PDE4B: variants seen among roughly 807,000 people sequenced by gnomAD.
The protein encoded by PDE4B is 3',5'-cyclic-AMP phosphodiesterase 4B.
Under a neutral mutation model 82.2 loss-of-function variants are expected in PDE4B, and 20 were observed. That is an observed-to-expected ratio of 0.24 (90% CI 0.17 to 0.35). PDE4B has a LOEUF of 0.35. Ranked by LOEUF, PDE4B falls within the 10% of genes least tolerant of loss-of-function variation. The probability of loss-of-function intolerance (pLI) is 1.00; values close to 1 mark genes in which losing one functional copy is unlikely to be tolerated. For synonymous variants in PDE4B, 320 were observed against 318.9 expected (o/e 1.00, Z -0.04); for missense variants, 655 against 907.2 (o/e 0.72, Z 3.57).
chr1:66,185,723 C>T (rs11810374), intron 3 of PDE4B, among the ~76,000 whole-genome samples: 115,677 of 152,032 alleles, frequency 0.76, 44,402 homozygotes, highest in Admixed American at 0.82. Context: ...TCATTGTAGA[C>T]TCTGGATATT....
intron 1 of PDE4B, among the ~76,000 whole-genome samples, chr1:65,846,380 T>C (rs867434017): frequency 1.3e-5 from 2 of 152,118 alleles, no homozygotes; most frequent in Non-Finnish European, 2.9e-5. Context: ...TAGGGCAAGG[T>C]TGTGGAATTC....
At chr1:65,825,704 A>AT (rs200279568) in intron 1 of PDE4B, among the ~76,000 whole-genome samples, 12,758 of 54,566 alleles carry the variant, frequency 0.23, 621 homozygotes, top group Non-Finnish European at 0.31. Context: ...AAACAAAATT[A>AT]CCTATCTATC....
At chr1:66,131,590 CAGATATATATATAT>C (rs1163979833) in intron 3 of PDE4B, among the ~76,000 whole-genome samples, 1 of 15,952 alleles carries the variant, frequency 6.3e-5, no homozygotes, top group African/African-American at 1.4e-4. Flanking sequence ...TTCTGAATGC[CAGATATATATATAT>C]ATATATATAT....
Position 65,997,541 on chromosome 1 carries a change from T to C in PDE4B, c.281+78706T>C, listed in dbSNP as rs191023701. ...AACTGCCGACATGCTTGCTGTATTATACAACTTAGTCCTAGTTTGTTAGCT... is the reference window on the plus strand; with the variant it reads ...AACTGCCGACATGCTTGCTGTATTACACAACTTAGTCCTAGTTTGTTAGCT... On this transcript the variant is annotated intron_variant, in intron 3 of 16. Transcript: ENST00000341517. Among the ~76,000 whole-genome samples the C allele has an allele frequency of 5.4e-4, 82 of 152,348 alleles. 1 individual carries two copies. Among genetic ancestry groups the C allele is most frequent in the Middle Eastern group, 3.4e-3 (1 of 294 alleles).
At chr1:65,854,985 C>T (rs964207402) in intron 1 of PDE4B, among the ~76,000 whole-genome samples, 9 of 151,582 alleles carry the variant, frequency 5.9e-5, no homozygotes, top group Admixed American at 5.9e-4. Flanking sequence ...CTGATCTGCT[C>T]TTAATATCAT....
At chr1:66,198,581 C>T (rs563318995) in intron 3 of PDE4B, among the ~76,000 whole-genome samples, 191 of 152,044 alleles carry the variant, frequency 1.3e-3, no homozygotes, top group Non-Finnish European at 2.4e-3. Flanking sequence ...CTGCTCCTCT[C>T]TGCACTTCTC....
intron 1 of PDE4B, among the ~76,000 whole-genome samples, chr1:65,882,435 C>G (rs1646718742): frequency 6.6e-6 from 1 of 152,128 alleles, no homozygotes; most frequent in African/African-American, 2.4e-5. Flanking sequence ...AATAACTAGT[C>G]TTCTCACAGA....
intron 3 of PDE4B, among the ~76,000 whole-genome samples, chr1:66,140,128 A>G (rs766634801): frequency 1.2e-4 from 18 of 151,884 alleles, no homozygotes; most frequent in Non-Finnish European, 2.2e-4. Context: ...TTTCCTTTTG[A>G]TGGCTGTTCT....
chr1:66,084,758 T>C (rs190487602), intron 3 of PDE4B, among the ~76,000 whole-genome samples: 2 of 152,254 alleles, frequency 1.3e-5, no homozygotes, highest in African/African-American at 4.8e-5. Context: ...TTCTACTTGG[T>C]GATCTGTCTA....
chr1:66,205,567 T>C (rs1649479414), intron 3 of PDE4B, among the ~76,000 whole-genome samples: 1 of 152,228 alleles, frequency 6.6e-6, no homozygotes, highest in African/African-American at 2.4e-5. Context: ...ATGTAGCAAG[T>C]GCTGCATTGC....
chr1:66,041,538 C>T (rs1260615305), intron 3 of PDE4B, among the ~76,000 whole-genome samples: 1 of 151,780 alleles, frequency 6.6e-6, no homozygotes, highest in African/African-American at 2.4e-5. Context: ...TATACTTTAC[C>T]CAGTGGTTGG....
intron 6 of PDE4B, among the ~76,000 whole-genome samples, chr1:66,258,664 T>TC (rs906025858): frequency 6.6e-6 from 1 of 151,892 alleles, no homozygotes; most frequent in Admixed American, 6.6e-5. Flanking sequence ...AACAACCCCC[T>TC]CCCCCCGCAT....
At chr1:66,018,459 G>A (rs1451274363) in intron 3 of PDE4B, among the ~76,000 whole-genome samples, 1 of 151,930 alleles carries the variant, frequency 6.6e-6, no homozygotes, top group Non-Finnish European at 1.5e-5. Flanking sequence ...AGAGTATGTG[G>A]TTTTGACTTT....
intron 3 of PDE4B, among the ~76,000 whole-genome samples, chr1:66,234,540 C>CA (rs1228788415): frequency 6.6e-5 from 10 of 152,216 alleles, no homozygotes; most frequent in Non-Finnish European, 4.4e-5. Flanking sequence ...CCGCCTGGCT[C>CA]AGCCTTCCAA....
chr1:66,119,831 TA>T (rs1445714746), intron 3 of PDE4B, among the ~76,000 whole-genome samples: 2 of 152,090 alleles, frequency 1.3e-5, no homozygotes, highest in African/African-American at 2.4e-5. Context: ...TGGTATCTTT[TA>T]AAAAAGAGAG....
intron 3 of PDE4B, among the ~76,000 whole-genome samples, chr1:66,096,533 T>TATATATATATAG (rs1645123962): frequency 6.9e-6 from 1 of 144,152 alleles, no homozygotes; most frequent in Admixed American, 7.0e-5. Context: ...TATATATATA[T>TATATATATATAG]ATATATATAC....
chr1:66,112,434 T>C (rs749676821), intron 3 of PDE4B, among the ~76,000 whole-genome samples: 36 of 152,148 alleles, frequency 2.4e-4, no homozygotes, highest in Non-Finnish European at 3.7e-4. Context: ...TAAATGACCA[T>C]TGAATTAATT....
intron 3 of PDE4B, among the ~76,000 whole-genome samples, chr1:66,191,759 C>G (rs1490333661): frequency 1.3e-5 from 2 of 152,110 alleles, no homozygotes; most frequent in Non-Finnish European, 2.9e-5. Context: ...TGAATGGACT[C>G]ACAGTTCCAC....
chr1:66,305,714 T>C (rs1255415979), intron 7 of PDE4B, among the ~76,000 whole-genome samples: 5 of 152,182 alleles, frequency 3.3e-5, no homozygotes. Flanking sequence ...GACTGTCTCA[T>C]TGGATAGTAA....
Sources: allele counts gnomAD v4.1 joint callset (sites outside exome capture counted in the v4.1 genomes callset), GRCh38; gene constraint gnomAD v4.1.1; transcripts MANE v1.5; gene names NCBI Gene and HGNC (gene_info 2026-07-23, HGNC 2026-07-21).